Variants in AKAP19 observed in about 807,000 individuals in gnomAD.
AKAP19 encodes the protein A-kinase anchoring protein 19, also known as small A-kinase anchoring protein.
the AKAP19 span, among the ~76,000 whole-genome samples, chr2:189,895,627 AAGG>A: frequency 6.6e-6 from 1 of 152,098 alleles, no homozygotes; most frequent in African/African-American, 2.4e-5. Flanking sequence ...TTGCTCTCCA[AAGG>A]AGAAGCATCA....
the AKAP19 span, among the ~76,000 whole-genome samples, chr2:190,195,866 A>G: frequency 1.3e-4 from 20 of 150,622 alleles, no homozygotes; most frequent in Non-Finnish European, 2.5e-4. Context: ...GTTATCTTCT[A>G]GGAGTCCTAT....
chr2:190,076,519 C>T, the AKAP19 span, among the ~76,000 whole-genome samples: 1 of 152,154 alleles, frequency 6.6e-6, no homozygotes, highest in African/African-American at 2.4e-5. Flanking sequence ...CTGAAGAAGA[C>T]ATTATTTTAA....
the AKAP19 span, among the ~76,000 whole-genome samples, chr2:190,035,017 C>G: frequency 1.4e-4 from 22 of 152,232 alleles, no homozygotes; most frequent in Admixed American, 1.4e-3. Flanking sequence ...TATTCCCTAA[C>G]TCATTGTCCC....
At chr2:190,110,909 T>C in the AKAP19 span, among the ~76,000 whole-genome samples, 4 of 152,314 alleles carry the variant, frequency 2.6e-5, no homozygotes, top group African/African-American at 9.6e-5. Flanking sequence ...GGCGCTGTCA[T>C]TGTAGGGCGG....
the AKAP19 span, among the ~76,000 whole-genome samples, chr2:189,984,593 T>C: frequency 6.6e-6 from 1 of 152,174 alleles, no homozygotes; most frequent in African/African-American, 2.4e-5. Context: ...CCTCCTCGGC[T>C]GACAGGATTA....
At chr2:189,988,728 T>C in the AKAP19 span, among the ~76,000 whole-genome samples, 1 of 152,222 alleles carries the variant, frequency 6.6e-6, no homozygotes, top group Non-Finnish European at 1.5e-5. Flanking sequence ...CTGACTCTCC[T>C]TCTTCCGAAG....
the AKAP19 span, among the ~76,000 whole-genome samples, chr2:189,909,923 TG>T: frequency 6.6e-6 from 1 of 152,044 alleles, no homozygotes; most frequent in East Asian, 1.9e-4. Flanking sequence ...TGTATCAAGG[TG>T]TTTTTTTTCA....
the AKAP19 span, among the ~76,000 whole-genome samples, chr2:189,925,342 T>G: frequency 0.95 from 144,673 of 152,244 alleles, 68,760 homozygotes; most frequent in East Asian, 0.98. Context: ...CAAATAATAA[T>G]AATCTACTCA....
the AKAP19 span, among the ~76,000 whole-genome samples, chr2:189,897,701 A>G: frequency 6.6e-6 from 1 of 152,192 alleles, no homozygotes; most frequent in Non-Finnish European, 1.5e-5. Flanking sequence ...TGTAATATCT[A>G]CTTAGGTTGG....
chr2:190,057,686 CA>C, the AKAP19 span: 1 of 1,589,898 alleles, frequency 6.3e-7, no homozygotes, highest in Admixed American at 1.7e-5. Flanking sequence ...GGCCTGGAAA[CA>C]CTTTTCTACC....
At chr2:189,917,472 C>T in the AKAP19 span, 1 of 691,468 alleles carries the variant, frequency 1.4e-6, no homozygotes, top group Non-Finnish European at 2.6e-6. Context: ...TACTGGTTGA[C>T]TCTTTGAAAC....
At chr2:190,193,196 TTC>T in the AKAP19 span, among the ~76,000 whole-genome samples, 17 of 151,988 alleles carry the variant, frequency 1.1e-4, no homozygotes, top group African/African-American at 3.9e-4. Context: ...AAAATTTTTT[TTC>T]TGTTTCTACT....
the AKAP19 span, among the ~76,000 whole-genome samples, chr2:189,914,866 G>A: frequency 6.6e-6 from 1 of 152,076 alleles, no homozygotes; most frequent in Non-Finnish European, 1.5e-5. Context: ...CTTACAGCTA[G>A]GAAGTAGTAG....
the AKAP19 span, among the ~76,000 whole-genome samples, chr2:190,195,478 ACT>A: frequency 4.6e-5 from 7 of 152,170 alleles, no homozygotes; most frequent in Admixed American, 1.3e-4. Context: ...CCATTATCTC[ACT>A]GTTTAAATTT....
At chr2:190,060,135 A>T in the AKAP19 span, 1 of 1,612,952 alleles carries the variant, frequency 6.2e-7, no homozygotes, top group Non-Finnish European at 8.5e-7. Flanking sequence ...TTTTATTTCA[A>T]TGCCTAAGTT....
At chr2:189,957,466 A>T in the AKAP19 span, among the ~76,000 whole-genome samples, 1 of 152,208 alleles carries the variant, frequency 6.6e-6, no homozygotes, top group African/African-American at 2.4e-5. Context: ...TGCCTTTTGT[A>T]GCTCTAAGAT....
At chr2:189,968,530 G>A in the AKAP19 span, among the ~76,000 whole-genome samples, 3 of 152,300 alleles carry the variant, frequency 2.0e-5, no homozygotes, top group Middle Eastern at 3.4e-3. Flanking sequence ...ATGAGCCAGT[G>A]CGCCTGGGCT....
the AKAP19 span, among the ~76,000 whole-genome samples, chr2:190,184,751 A>G: frequency 6.6e-6 from 1 of 152,196 alleles, no homozygotes; most frequent in Non-Finnish European, 1.5e-5. Context: ...GTGTGTTTCA[A>G]CTTAAAGGAG....
At chr2:190,104,869 C>T in the AKAP19 span, among the ~76,000 whole-genome samples, 1 of 152,032 alleles carries the variant, frequency 6.6e-6, no homozygotes, top group Non-Finnish European at 1.5e-5. Context: ...AAACAAGTGG[C>T]CAACAAACAT....
Sources: allele counts gnomAD v4.1 joint callset (sites outside exome capture counted in the v4.1 genomes callset), GRCh38; gene constraint gnomAD v4.1.1; transcripts MANE v1.5; gene names NCBI Gene and HGNC (gene_info 2026-07-23, HGNC 2026-07-21).